MROH1: variants seen among roughly 807,000 people sequenced by gnomAD.
MROH1 encodes maestro heat like repeat family member 1, also known as maestro heat-like repeat-containing protein family member 1.
Under a neutral mutation model 116.5 loss-of-function variants are expected in MROH1, and 117 were observed. The ratio of observed to expected loss-of-function variants is 1.00; its 90% CI spans 0.86 to 1.17. MROH1 has a LOEUF of 1.17. Ranked by LOEUF, MROH1 falls within the 50% of genes most tolerant of loss-of-function variation. The probability of loss-of-function intolerance (pLI) is 0.00; values close to 1 mark genes in which losing one functional copy is unlikely to be tolerated. For synonymous variants in MROH1, 921 were observed against 583.9 expected, an observed-to-expected ratio of 1.58 and a Z score of -8.32; for missense variants, 1,873 against 1,338.5, an observed-to-expected ratio of 1.40 and a Z score of -6.23.
At chr8:144,258,125 C>A (rs1264206634) in intron 35 of MROH1, among the ~76,000 whole-genome samples, 3 of 152,354 alleles carry the variant, frequency 2.0e-5, no homozygotes, top group Non-Finnish European at 4.4e-5. Flanking sequence ...ACATCAGACT[C>A]TCCCTGCCAG....
At chr8:144,176,722 G>A (rs1213929600) in intron 4 of MROH1, among the ~76,000 whole-genome samples, 2 of 3,424 alleles carry the variant, frequency 5.8e-4, no homozygotes, top group Non-Finnish European at 0.019. Flanking sequence ...CCAGCTACTC[G>A]GGAGGCTAAG....
At chr8:144,175,166 G>C in intron 4 of MROH1, 2 of 985,186 alleles carry the variant, frequency 2.0e-6, no homozygotes, top group Non-Finnish European at 2.4e-6. Flanking sequence ...CTGCACCTGA[G>C]CTTCTCCTCC....
intron 13 of MROH1, 96 bp downstream of exon 13, chr8:144,220,769 G>A (rs867902294): frequency 1.6e-5 from 17 of 1,066,134 alleles, no homozygotes; most frequent in South Asian, 2.8e-5. Context: ...CCAACCAGGC[G>A]GCCACCACCC....
chr8:144,245,875 G>C (rs2133040199), intron 29 of MROH1, among the ~76,000 whole-genome samples: 1 of 151,976 alleles, frequency 6.6e-6, no homozygotes, highest in South Asian at 2.1e-4. Flanking sequence ...TGCCCAGGCT[G>C]GTCTTGAACT....
intron 12 of MROH1, chr8:144,214,329 T>A (rs1168855193): frequency 6.6e-6 from 1 of 152,342 alleles, no homozygotes; most frequent in East Asian, 1.9e-4. Flanking sequence ...GCACCTCTCC[T>A]GATGCTGCCA....
At chr8:144,221,970 G>A (rs181685148) in intron 13 of MROH1, among the ~76,000 whole-genome samples, 28 of 152,310 alleles carry the variant, frequency 1.8e-4, no homozygotes, top group African/African-American at 6.5e-4. Context: ...CGCCACATTG[G>A]CCTGGCTGTG....
intron 1 of MROH1, among the ~76,000 whole-genome samples, chr8:144,152,227 A>G (rs1272091100): frequency 1.3e-5 from 2 of 152,186 alleles, no homozygotes; most frequent in African/African-American, 4.8e-5. Context: ...CATTTCTGGA[A>G]TTTTTCTATT....
chr8:144,223,480 A>T (rs1588308607), intron 14 of MROH1, among the ~76,000 whole-genome samples: 1 of 150,910 alleles, frequency 6.6e-6, no homozygotes, highest in Non-Finnish European at 1.5e-5. Flanking sequence ...GGATCAGGAG[A>T]CCCTCCCGCC....
At chr8:144,261,556 G>A (rs1353497610) in intron 43 of MROH1, 99 bp from the exon 44 acceptor site, 19 of 697,072 alleles carry the variant, frequency 2.7e-5, no homozygotes, top group African/African-American at 5.3e-5. Context: ...GTTGGCTCCT[G>A]AGCCTCCCAG....
chr8:144,150,314 T>C (rs939928603), intron 1 of MROH1, among the ~76,000 whole-genome samples: 1 of 152,264 alleles, frequency 6.6e-6, no homozygotes, highest in African/African-American at 2.4e-5. Flanking sequence ...GAGAAGACCC[T>C]ATCAACCCTG....
intron 3 of MROH1, 68 bp from the exon 4 acceptor site, chr8:144,168,227 T>C (rs915131211): frequency 2.7e-6 from 4 of 1,474,190 alleles, no homozygotes; most frequent in East Asian, 4.9e-5. Flanking sequence ...ACTGCAGGAG[T>C]GGCAGCCGAG....
intron 3 of MROH1, 80 bp from the exon 4 acceptor site, chr8:144,168,215 C>A (rs1821430395): frequency 1.4e-6 from 2 of 1,442,682 alleles, no homozygotes; most frequent in South Asian, 1.4e-5. Context: ...GCAGGTGTGT[C>A]CACTGCAGGA....
chr8:144,148,268 C>T (rs1449111074), intron 1 of MROH1, among the ~76,000 whole-genome samples, 192 bp downstream of exon 1: 1 of 152,162 alleles, frequency 6.6e-6, no homozygotes, highest in African/African-American at 2.4e-5. Context: ...CTCAGGTGTG[C>T]GCCGCGCCAC....
chr8:144,151,394 A>G (rs1816757979), intron 1 of MROH1, among the ~76,000 whole-genome samples: 1 of 152,112 alleles, frequency 6.6e-6, no homozygotes, highest in Admixed American at 6.6e-5. Flanking sequence ...GAACACACCA[A>G]CAGATGCCAG....
chr8:144,151,077 G>T (rs1209462764), intron 1 of MROH1, among the ~76,000 whole-genome samples: 1 of 151,650 alleles, frequency 6.6e-6, no homozygotes, highest in African/African-American at 2.4e-5. Context: ...GTGAAACCCC[G>T]TCTCCACTAA....
chr8:144,154,580 T>A (rs1300892966), intron 1 of MROH1, among the ~76,000 whole-genome samples: 1 of 152,016 alleles, frequency 6.6e-6, no homozygotes, highest in Non-Finnish European at 1.5e-5. Flanking sequence ...CTCACTGCAG[T>A]AGCAATGAGA....
intron 7 of MROH1, among the ~76,000 whole-genome samples, chr8:144,186,795 T>C (rs939979926): frequency 1.4e-4 from 21 of 152,184 alleles, no homozygotes; most frequent in Non-Finnish European, 2.4e-4. Context: ...TTTATTCTTA[T>C]TAAAAACTCA....
intron 14 of MROH1, among the ~76,000 whole-genome samples, chr8:144,233,325 T>C (rs1839304069): frequency 7.4e-6 from 1 of 135,090 alleles, no homozygotes; most frequent in Non-Finnish European, 1.6e-5. Context: ...TAACTCCCAT[T>C]CCCTCCCCCG....
At position 144,239,729 on chromosome 8, in the gene MROH1, T is replaced by A; in HGVS notation, c.1748T>A (p.Val583Asp). The change falls in exon 18 of 44, where the codon GTC (valine) becomes GAC (aspartate). Residue 583 changes from valine to aspartate, a missense_variant. Physicochemically the swap from Val to Asp is radical, Grantham distance 152. Coordinates refer to ENST00000326134, the MANE Select transcript of MROH1 (RefSeq NM_032450.3). Reference sequence around the variant, plus strand: ...CTGGGTCAGCATTGGGAAACGACTGTCCCGCTGCTGCTGGGGTACCTGGAT... The same window carrying A: ...CTGGGTCAGCATTGGGAAACGACTGACCCGCTGCTGCTGGGGTACCTGGAT... Reference protein sequence around the residue: ...PLLGQHWETTVPLLLGYLDEH... With the variant: ...PLLGQHWETTDPLLLGYLDEH... 1.4e-6 allele frequency: 1 copy of A among 719,716 alleles called. No individual in the cohort carries two copies. Among genetic ancestry groups the A allele is most frequent in the Non-Finnish European group, 2.6e-6 (1 of 386,310 alleles). The allele number at this position is 719,716 out of a possible 1,614,324, so 44.6% of individuals were successfully genotyped here.
Sources: gnomAD v4.1 joint callset for allele counts (sites outside exome capture counted in the v4.1 genomes callset) on GRCh38, gnomAD v4.1.1 for gene constraint, MANE v1.5 for transcripts, NCBI Gene and HGNC (gene_info 2026-07-23, HGNC 2026-07-21) for gene names.